Variants in CNTN5 observed in about 807,000 individuals in gnomAD.
CNTN5 encodes the protein contactin-5.
A neutral mutation model predicts 129.1 loss-of-function variants in CNTN5; 77 were observed. The ratio of observed to expected loss-of-function variants is 0.60; its 90% CI spans 0.50 to 0.72. The LOEUF (loss-of-function observed/expected upper bound fraction) is 0.72. CNTN5 is among the 30% of genes least tolerant of loss of function. The pLI is 0.00. For missense variants in CNTN5, 1,478 were observed against 1,328.8 expected (o/e 1.11, Z -1.75); for synonymous variants, 509 against 465.6 (o/e 1.09, Z -1.20).
intron 1 of CNTN5, among the ~76,000 whole-genome samples, chr11:99,312,740 C>T (rs1458814868): frequency 6.6e-6 from 1 of 151,796 alleles, no homozygotes; most frequent in Non-Finnish European, 1.5e-5. Flanking sequence ...ATAAATATTA[C>T]CCATTGTTAT....
chr11:99,551,039 T>A (rs1285998247), intron 2 of CNTN5, among the ~76,000 whole-genome samples: 1 of 152,114 alleles, frequency 6.6e-6, no homozygotes, highest in Non-Finnish European at 1.5e-5. Context: ...ATAAAAATAA[T>A]GAAAGCCTCC....
intron 13 of CNTN5, among the ~76,000 whole-genome samples, chr11:100,176,872 G>A (rs867268431): frequency 7.0e-6 from 1 of 143,476 alleles, no homozygotes; most frequent in East Asian, 2.3e-4. Context: ...GTGTGTGTGT[G>A]TGTGTATAAA....
chr11:99,502,883 G>A (rs984965261), intron 2 of CNTN5, among the ~76,000 whole-genome samples: 1 of 152,062 alleles, frequency 6.6e-6, no homozygotes, highest in African/African-American at 2.4e-5. Flanking sequence ...CCTTCCCAAA[G>A]TATTTTTCTT....
chr11:99,856,305 T>A lies in CNTN5; in HGVS notation c.577+11043T>A, dbSNP rs76644661. Among the ~76,000 whole-genome samples the A allele has an allele frequency of 3.1e-4, 47 of 152,350 alleles. 1 individual carries two copies. The highest frequency in any genetic ancestry group is 1.1e-3 in the African/African-American group (44 of 41,582). ...AAAGTTCAAGTCCTCTTCAGCTAACTGCAGTGTCAGCCTTGGTTCAAATTA... is the reference window on the plus strand; with the variant it reads ...AAAGTTCAAGTCCTCTTCAGCTAACAGCAGTGTCAGCCTTGGTTCAAATTA... On this transcript the variant is annotated intron_variant, in intron 6 of 24. Transcript: ENST00000524871.
At chr11:99,553,005 T>C (rs927618057) in intron 2 of CNTN5, among the ~76,000 whole-genome samples, 1 of 152,182 alleles carries the variant, frequency 6.6e-6, no homozygotes, top group African/African-American at 2.4e-5. Flanking sequence ...AACCTCACAA[T>C]GCACTTATTC....
intron 1 of CNTN5, among the ~76,000 whole-genome samples, chr11:99,145,990 T>G (rs988902468): frequency 6.6e-6 from 1 of 152,138 alleles, no homozygotes; most frequent in Non-Finnish European, 1.5e-5. Flanking sequence ...TTCTTTTCTA[T>G]TCTCACATAT....
At chr11:99,976,069 C>T (rs913245657) in intron 8 of CNTN5, among the ~76,000 whole-genome samples, 3 of 152,304 alleles carry the variant, frequency 2.0e-5, no homozygotes, top group Non-Finnish European at 2.9e-5. Context: ...CTGGTCATAA[C>T]CAAGGGGCTA....
chr11:99,613,939 T>G (rs1406765502), intron 3 of CNTN5, among the ~76,000 whole-genome samples: 2 of 152,264 alleles, frequency 1.3e-5, no homozygotes, highest in African/African-American at 4.8e-5. Flanking sequence ...AATATTGGAA[T>G]GAGTCAAAAT....
chr11:99,529,375 C>G (rs1453625348), intron 2 of CNTN5, among the ~76,000 whole-genome samples: 1 of 152,164 alleles, frequency 6.6e-6, no homozygotes, highest in African/African-American at 2.4e-5. Flanking sequence ...AACTTGGCAC[C>G]TGTAAGCATC....
chr11:99,437,716 A>G (rs1943656119), intron 2 of CNTN5, among the ~76,000 whole-genome samples: 1 of 152,108 alleles, frequency 6.6e-6, no homozygotes, highest in African/African-American at 2.4e-5. Context: ...CCAGCTACTC[A>G]GGAGGCTGAG....
chr11:100,041,394 C>T lies in CNTN5; in HGVS notation c.981-19818C>T, dbSNP rs116602390. ...CCTCTATCACTCTCCCCATTGTCAA[C>T]TCCAGGTCTACGACAAAGTCTAGAA... On this transcript the variant is annotated intron_variant, in intron 9 of 24. Transcript: ENST00000524871. 5.3e-4 allele frequency among the ~76,000 whole-genome samples: 80 copies of T among 152,296 alleles called. 1 individual carries two copies. The highest frequency in any genetic ancestry group is 1.9e-3 in the African/African-American group (79 of 41,574).
At chr11:100,200,085 G>A (rs144828190) in intron 15 of CNTN5, among the ~76,000 whole-genome samples, 2 of 151,860 alleles carry the variant, frequency 1.3e-5, no homozygotes, top group African/African-American at 2.4e-5. Context: ...GGAATATCAC[G>A]TTAGCACAGT....
chr11:99,168,079 A>G (rs2135531958), intron 1 of CNTN5, among the ~76,000 whole-genome samples: 1 of 152,118 alleles, frequency 6.6e-6, no homozygotes, highest in South Asian at 2.1e-4. Context: ...AGTAGCTAGG[A>G]CTACAAGCAC....
At chr11:99,707,986 G>C (rs966425210) in intron 3 of CNTN5, among the ~76,000 whole-genome samples, 4 of 151,504 alleles carry the variant, frequency 2.6e-5, no homozygotes, top group African/African-American at 9.7e-5. Context: ...ATGTGTCCTG[G>C]ATAGGTCTGC....
chr11:99,716,839 G>T (rs866887761), intron 3 of CNTN5, among the ~76,000 whole-genome samples: 1 of 152,040 alleles, frequency 6.6e-6, no homozygotes, highest in African/African-American at 2.4e-5. Context: ...TCATTCAACA[G>T]TGTTTTAAAA....
At chr11:99,952,258 T>C (rs765843822) in intron 7 of CNTN5, among the ~76,000 whole-genome samples, 16 of 152,164 alleles carry the variant, frequency 1.1e-4, no homozygotes, top group South Asian at 2.1e-4. Flanking sequence ...AAAATAATTG[T>C]AGTGAAAATT....
intron 13 of CNTN5, among the ~76,000 whole-genome samples, chr11:100,146,704 TTTGG>T (rs1946862324): frequency 6.6e-6 from 1 of 152,150 alleles, no homozygotes; most frequent in Non-Finnish European, 1.5e-5. Context: ...GAATCTTCTG[TTTGG>T]GCATTTTATA....
intron 11 of CNTN5, 71 bp downstream of exon 11, chr11:100,070,631 C>T: frequency 6.9e-7 from 1 of 1,451,428 alleles, no homozygotes; most frequent in Non-Finnish European, 9.6e-7. Context: ...AACTAGGCTT[C>T]TTTAGTCTTA....
At chr11:100,065,286 C>A (rs962246545) in intron 10 of CNTN5, among the ~76,000 whole-genome samples, 7 of 151,276 alleles carry the variant, frequency 4.6e-5, no homozygotes, top group African/African-American at 1.7e-4. Context: ...AAATAGTCTA[C>A]TTTTTTTTTC....
Sources: allele counts gnomAD v4.1 joint callset (sites outside exome capture counted in the v4.1 genomes callset), GRCh38; gene constraint gnomAD v4.1.1; transcripts MANE v1.5; gene names NCBI Gene and HGNC (gene_info 2026-07-23, HGNC 2026-07-21).